The following PRKN variants were observed in gnomAD, a reference collection of about 807,000 sequenced individuals.
PRKN encodes the protein parkin RBR E3 ubiquitin protein ligase.
A neutral mutation model predicts 59.5 loss-of-function variants in PRKN; 56 were observed. The observed-to-expected ratio is 0.94, with a 90% confidence interval of 0.76 to 1.18. The LOEUF (loss-of-function observed/expected upper bound fraction) is 1.18. PRKN is among the 50% of genes most tolerant of loss of function. The probability of loss-of-function intolerance (pLI) is 0.00; values close to 1 mark genes in which losing one functional copy is unlikely to be tolerated. For missense variants in PRKN, 657 were observed against 596.4 expected, an observed-to-expected ratio of 1.10 and a Z score of -1.06; for synonymous variants, 250 against 222.1, an observed-to-expected ratio of 1.13 and a Z score of -1.12.
At chr6:162,276,690 G>GGTGTGTGTGTGTGTCTGTGTGTGT (rs1780649687) in intron 2 of PRKN, among the ~76,000 whole-genome samples, 1 of 150,400 alleles carries the variant, frequency 6.6e-6, no homozygotes, top group Admixed American at 6.6e-5. Context: ...AACAGAAGCT[G>GGTGTGTGTGTGTGTCTGTGTGTGT]GTGTGTGTGT....
At chr6:162,607,301 G>C (rs1583896188) in intron 1 of PRKN, among the ~76,000 whole-genome samples, 1 of 152,214 alleles carries the variant, frequency 6.6e-6, no homozygotes, top group East Asian at 1.9e-4. Flanking sequence ...CAGAAAAGTA[G>C]AAGAGCTTGT....
chr6:162,590,936 C>T (rs928016083), intron 1 of PRKN, among the ~76,000 whole-genome samples: 1 of 152,076 alleles, frequency 6.6e-6, no homozygotes, highest in Non-Finnish European at 1.5e-5. Context: ...CAACTAGCCT[C>T]TCAGCTTGGG....
In PRKN at chr6:161,593,988, A is replaced by T. The variant is rs963385597; in HGVS notation, c.872-24572T>A. Among the ~76,000 whole-genome samples the T allele has an allele frequency of 3.7e-5, 5 of 133,872 alleles. No homozygotes were observed. Among genetic ancestry groups the T allele is most frequent in the African/African-American group, 1.6e-4 (5 of 31,290 alleles). The allele number at this position is 133,872 out of a possible 152,430, so 87.8% of individuals were successfully genotyped here. A position where few individuals can be genotyped will look rare whatever the true frequency, so the allele number is the denominator to read the frequency against. ...AACATAGTGAAACCCCATCTCTACT[A>T]AAAAAAAAAAACAAAAAACAAAAAC... On this transcript the variant is annotated intron_variant, in intron 7 of 11. Transcript: ENST00000366898. The surrounding 1 kb of genome is among the most constrained non-coding windows in gnomAD (Gnocchi z 4.8).
chr6:161,828,523 G>A lies in PRKN; in HGVS notation c.735-42615C>T, dbSNP rs546464768. On this transcript the variant is annotated intron_variant, in intron 6 of 11. Coordinates refer to ENST00000366898, the MANE Select transcript of PRKN (RefSeq NM_004562.3). ...TCACGCCACTGTGCTTCTGCCCAAAGGGGCTGCTGGTTTGCTTTTCCTGCC... is the reference window on the plus strand; with the variant it reads ...TCACGCCACTGTGCTTCTGCCCAAAAGGGCTGCTGGTTTGCTTTTCCTGCC... 8.5e-4 allele frequency among the ~76,000 whole-genome samples: 129 copies of A among 152,274 alleles called. 1 individual carries two copies. The highest frequency in any genetic ancestry group is 2.9e-3 in the African/African-American group (121 of 41,556).
intron 4 of PRKN, among the ~76,000 whole-genome samples, chr6:162,098,006 G>A (rs1779812379): frequency 2.6e-5 from 4 of 152,158 alleles, no homozygotes; most frequent in Admixed American, 2.6e-4. Context: ...GCATCACATT[G>A]CACAACACTC....
chr6:162,542,400 C>G (rs895129444), intron 1 of PRKN, among the ~76,000 whole-genome samples: 1 of 152,140 alleles, frequency 6.6e-6, no homozygotes, highest in Non-Finnish European at 1.5e-5. Flanking sequence ...AGACTCTAAC[C>G]TATGTCTGAT....
chr6:162,567,982 T>C (rs1780150788), intron 1 of PRKN, among the ~76,000 whole-genome samples: 1 of 152,100 alleles, frequency 6.6e-6, no homozygotes, highest in South Asian at 2.1e-4. Context: ...GCAAACTCAT[T>C]TTTGACAAAA....
intron 1 of PRKN, among the ~76,000 whole-genome samples, chr6:162,680,355 TATATTTA>T (rs1344593409): frequency 6.6e-6 from 1 of 150,940 alleles, no homozygotes; most frequent in Non-Finnish European, 1.5e-5. Context: ...TGTGTATATA[TATATTTA>T]ATATTTGAGA....
intron 1 of PRKN, among the ~76,000 whole-genome samples, chr6:162,464,352 A>T (rs1243236458): frequency 1.3e-5 from 2 of 152,182 alleles, no homozygotes; most frequent in Non-Finnish European, 2.9e-5. Flanking sequence ...CCTGTAATTA[A>T]GTGATAAAGA....
At chr6:162,651,285 T>C (rs1448104624) in intron 1 of PRKN, among the ~76,000 whole-genome samples, 1 of 152,224 alleles carries the variant, frequency 6.6e-6, no homozygotes, top group Non-Finnish European at 1.5e-5. Context: ...TACATTTTGA[T>C]GTACATCTTC....
At chr6:162,451,145 G>C (rs933571469) in intron 1 of PRKN, among the ~76,000 whole-genome samples, 5 of 151,894 alleles carry the variant, frequency 3.3e-5, no homozygotes, top group African/African-American at 4.8e-5. Context: ...AAAGAACCAA[G>C]GGTCACTGGA....
At chr6:162,710,797 A>T (rs2128238621) in intron 1 of PRKN, among the ~76,000 whole-genome samples, 1 of 152,310 alleles carries the variant, frequency 6.6e-6, no homozygotes, top group East Asian at 1.9e-4. Context: ...TTATCCTGCA[A>T]CTAAGCTCTT....
At chr6:162,317,872 T>A (rs760884975) in intron 2 of PRKN, among the ~76,000 whole-genome samples, 79 of 152,130 alleles carry the variant, frequency 5.2e-4, no homozygotes, top group South Asian at 8.3e-4. Flanking sequence ...AGTAATTGAA[T>A]ATAGATACAG....
chr6:162,600,981 T>C (rs1781685854), intron 1 of PRKN, among the ~76,000 whole-genome samples: 1 of 152,188 alleles, frequency 6.6e-6, no homozygotes, highest in African/African-American at 2.4e-5. Flanking sequence ...ATAGCTAGTA[T>C]CTTAGTACAT....
chr6:162,290,060 T>C (rs1321666903), intron 2 of PRKN, among the ~76,000 whole-genome samples: 1 of 152,210 alleles, frequency 6.6e-6, no homozygotes, highest in East Asian at 1.9e-4. Context: ...TGCATGAATA[T>C]TTTTATTCGC....
At chr6:161,929,748 A>C (rs1219627028) in intron 6 of PRKN, among the ~76,000 whole-genome samples, 1 of 151,994 alleles carries the variant, frequency 6.6e-6, no homozygotes, top group Non-Finnish European at 1.5e-5. Context: ...AACTGACCAC[A>C]AATGATCTAC....
intron 4 of PRKN, among the ~76,000 whole-genome samples, chr6:162,086,069 G>A (rs913918198): frequency 6.6e-5 from 10 of 152,008 alleles, no homozygotes; most frequent in African/African-American, 1.9e-4. Flanking sequence ...ATAGTCATAC[G>A]GCAAATAAGC....
intron 9 of PRKN, among the ~76,000 whole-genome samples, chr6:161,450,000 T>G (rs1336730729): frequency 6.6e-6 from 1 of 152,198 alleles, no homozygotes; most frequent in Non-Finnish European, 1.5e-5. Context: ...AGCTGCCTCA[T>G]AGCTTTGGCT....
At chr6:162,444,953 A>G (rs941234404) in intron 1 of PRKN, among the ~76,000 whole-genome samples, 1 of 152,220 alleles carries the variant, frequency 6.6e-6, no homozygotes, top group African/African-American at 2.4e-5. Flanking sequence ...ACATTTAAAA[A>G]TAATGGACAT....
Sources: gnomAD v4.1 joint callset for allele counts (sites outside exome capture counted in the v4.1 genomes callset) on GRCh38, gnomAD v4.1.1 for gene constraint, Gnocchi (gnomAD v3.1) non-coding constraint, MANE v1.5 for transcripts, NCBI Gene and HGNC (gene_info 2026-07-23, HGNC 2026-07-21) for gene names.